Variants in ATP13A4 observed in about 807,000 individuals in gnomAD.
ATP13A4 encodes the protein ATPase 13A4, also known as probable cation-transporting ATPase 13A4.
ATP13A4 carries 114 observed loss-of-function variants against 142.5 expected under a neutral mutation model. That is an observed-to-expected ratio of 0.80 (90% confidence interval 0.69 to 0.93). ATP13A4 has a LOEUF of 0.93. ATP13A4 is among the 40% of genes least tolerant of loss of function. The probability of loss-of-function intolerance (pLI) is 0.00; values close to 1 mark genes in which losing one functional copy is unlikely to be tolerated. For synonymous variants in ATP13A4, 488 were observed against 514.8 expected (o/e 0.95, Z 0.70); for missense variants, 1,392 against 1,454.0 (o/e 0.96, Z 0.69).
At chr3:193,416,625 A>G (rs1330844724) in intron 25 of ATP13A4, among the ~76,000 whole-genome samples, 4 of 152,116 alleles carry the variant, frequency 2.6e-5, no homozygotes, top group Non-Finnish European at 4.4e-5. Flanking sequence ...AGCAGGCAGA[A>G]GAAAGAATCA....
intron 3 of ATP13A4, among the ~76,000 whole-genome samples, chr3:193,496,987 C>T (rs760641011): frequency 6.6e-6 from 1 of 151,850 alleles, no homozygotes; most frequent in Non-Finnish European, 1.5e-5. Flanking sequence ...ATAGGGGAAA[C>T]GTTTCATGAC....
At chr3:193,467,155 C>T (rs1041937605) in intron 10 of ATP13A4, among the ~76,000 whole-genome samples, 161 bp downstream of exon 10, 1 of 151,722 alleles carries the variant, frequency 6.6e-6, no homozygotes, top group Non-Finnish European at 1.5e-5. Flanking sequence ...TCAGGTATCC[C>T]ATAAGTATAT....
intron 2 of ATP13A4, among the ~76,000 whole-genome samples, chr3:193,571,601 C>A (rs147091221): frequency 6.6e-6 from 1 of 152,178 alleles, no homozygotes; most frequent in East Asian, 1.9e-4. Context: ...AAGCATGGCA[C>A]TTTACCTCTT....
At chr3:193,428,715 C>T (rs1434262038) in intron 25 of ATP13A4, among the ~76,000 whole-genome samples, 2 of 146,410 alleles carry the variant, frequency 1.4e-5, no homozygotes, top group East Asian at 4.0e-4. Flanking sequence ...ACCGCGTGTT[C>T]TCACTTATAG....
intron 18 of ATP13A4, among the ~76,000 whole-genome samples, chr3:193,444,034 A>T (rs958103867): frequency 6.6e-5 from 10 of 152,164 alleles, no homozygotes; most frequent in Admixed American, 2.6e-4. Context: ...AAATAATAGG[A>T]GAAATTTTCC....
chr3:193,439,430 CTAT>C (rs1716495118), intron 21 of ATP13A4, among the ~76,000 whole-genome samples: 1 of 152,100 alleles, frequency 6.6e-6, no homozygotes, highest in Admixed American at 6.5e-5. Context: ...AACATTTTCA[CTAT>C]TATTATTATT....
At chr3:193,442,038 C>G (rs572051668) in intron 19 of ATP13A4, among the ~76,000 whole-genome samples, 55 of 152,274 alleles carry the variant, frequency 3.6e-4, no homozygotes, top group African/African-American at 1.3e-3. Context: ...GTCTGATTTT[C>G]TGATACACAG....
intron 1 of ATP13A4, among the ~76,000 whole-genome samples, chr3:193,589,177 TATATGTGTGTGTGTGTGTGTATATA>T (rs1724719606): frequency 6.6e-6 from 1 of 151,872 alleles, no homozygotes; most frequent in Non-Finnish European, 1.5e-5. Flanking sequence ...CAAATATATA[TATATGTGTGTGTGTGTGTGTATATA>T]ATTTGTGTGT....
At chr3:193,429,751 GA>G in intron 25 of ATP13A4, among the ~76,000 whole-genome samples, 1 of 151,096 alleles carries the variant, frequency 6.6e-6, no homozygotes, top group African/African-American at 2.4e-5. Flanking sequence ...ATTATACACA[GA>G]AAAAAATAAA....
At chr3:193,455,173 C>A (rs957398589) in intron 16 of ATP13A4, among the ~76,000 whole-genome samples, 1 of 151,772 alleles carries the variant, frequency 6.6e-6, no homozygotes, top group Non-Finnish European at 1.5e-5. Flanking sequence ...CCCGTCTCTA[C>A]TAAAAATACA....
intron 22 of ATP13A4, 63 bp from the exon 23 acceptor site, chr3:193,438,647 T>C: frequency 7.1e-7 from 1 of 1,409,160 alleles, no homozygotes; most frequent in Non-Finnish European, 1.0e-6. Context: ...TAAAGCCTCA[T>C]AAGAAAAGGC....
chr3:193,484,322 T>TAAAC (rs1002414647), intron 7 of ATP13A4, among the ~76,000 whole-genome samples: 3 of 149,280 alleles, frequency 2.0e-5, no homozygotes, highest in Admixed American at 6.6e-5. Context: ...AATAAATAAA[T>TAAAC]AAATAAATAA....
chr3:193,424,889 C>T (rs1442407648), intron 25 of ATP13A4, among the ~76,000 whole-genome samples: 2 of 148,878 alleles, frequency 1.3e-5, no homozygotes, highest in Admixed American at 1.4e-4. Context: ...GAAGAGACAA[C>T]CTACATAATG....
intron 1 of ATP13A4, chr3:193,553,848 T>C (rs1161103540): frequency 6.6e-6 from 1 of 152,214 alleles, no homozygotes; most frequent in African/African-American, 2.4e-5. Flanking sequence ...CAAGAAAACA[T>C]TTTAAGTAAA....
chr3:193,582,525 A>G (rs1485651501), intron 1 of ATP13A4, among the ~76,000 whole-genome samples: 1 of 138,334 alleles, frequency 7.2e-6, no homozygotes. Flanking sequence ...TAATATATGT[A>G]CATTATATAT....
At chr3:193,525,395 T>C (rs1721945975) in intron 1 of ATP13A4, among the ~76,000 whole-genome samples, 2 of 152,336 alleles carry the variant, frequency 1.3e-5, no homozygotes, top group South Asian at 4.1e-4. Flanking sequence ...CAATGAAGAA[T>C]ATATTTTGGC....
At chr3:193,440,730 C>A in intron 20 of ATP13A4, 93 bp from the exon 21 acceptor site, 1 of 1,329,044 alleles carries the variant, frequency 7.5e-7, no homozygotes, top group Non-Finnish European at 1.1e-6. Context: ...TGCATCATGA[C>A]ACTTACGATG....
At chr3:193,514,204 A>G (rs920323823) in intron 2 of ATP13A4, among the ~76,000 whole-genome samples, 1 of 152,154 alleles carries the variant, frequency 6.6e-6, no homozygotes, top group African/African-American at 2.4e-5. Context: ...CTTAGTACCC[A>G]TTAATTGTTT....
At chr3:193,565,496 G>A (rs897734531) in intron 2 of ATP13A4, among the ~76,000 whole-genome samples, 2 of 152,288 alleles carry the variant, frequency 1.3e-5, no homozygotes, top group South Asian at 4.1e-4. Flanking sequence ...AAAGAGTACT[G>A]GAAGGAGAGA....
Sources: allele counts gnomAD v4.1 joint callset (sites outside exome capture counted in the v4.1 genomes callset), GRCh38; gene constraint gnomAD v4.1.1; transcripts MANE v1.5; gene names NCBI Gene and HGNC (gene_info 2026-07-23, HGNC 2026-07-21).